Variants in SEZ6L observed in about 807,000 individuals in gnomAD.
SEZ6L encodes seizure 6-like protein.
In SEZ6L, 37 loss-of-function variants were observed where a neutral mutation model predicts 106.2. That is an observed-to-expected ratio of 0.35 (90% CI 0.27 to 0.46). SEZ6L has a LOEUF of 0.46. Ranked by LOEUF, SEZ6L falls within the 20% of genes least tolerant of loss-of-function variation. SEZ6L has a pLI of 1.00. For missense variants in SEZ6L, 1,172 were observed against 1,332.8 expected (o/e 0.88, Z 1.88); for synonymous variants, 541 against 570.4 (o/e 0.95, Z 0.73).
chr22:26,310,622 G>A (rs761918138), intron 6 of SEZ6L, 48 bp from the exon 7 acceptor site: 1 of 1,603,110 alleles, frequency 6.2e-7, no homozygotes, highest in Non-Finnish European at 8.5e-7. Flanking sequence ...CCATGTCAGT[G>A]ACCCAGGAAG....
intron 1 of SEZ6L, among the ~76,000 whole-genome samples, chr22:26,247,166 T>C (rs937906525): frequency 6.6e-6 from 1 of 152,216 alleles, no homozygotes; most frequent in Non-Finnish European, 1.5e-5. Context: ...AAGATTCAAG[T>C]AAACAAAGGG....
chr22:26,197,064 T>C (rs1036639749), intron 1 of SEZ6L, among the ~76,000 whole-genome samples: 1 of 152,240 alleles, frequency 6.6e-6, no homozygotes, highest in African/African-American at 2.4e-5. Flanking sequence ...GTTTTAGGTA[T>C]AGCTACACCC....
chr22:26,351,283 A>C, intron 12 of SEZ6L, 40 bp downstream of exon 12: 1 of 1,582,618 alleles, frequency 6.3e-7, no homozygotes, highest in African/African-American at 1.3e-5. Context: ...AGTAGGTAGA[A>C]GCAGATTCAC....
At chr22:26,324,910 C>T (rs1034878515) in intron 9 of SEZ6L, among the ~76,000 whole-genome samples, 5 of 152,176 alleles carry the variant, frequency 3.3e-5, no homozygotes, top group East Asian at 1.9e-4. Flanking sequence ...TTTCTGTTCA[C>T]GAGTCTAGAG....
Position 26,311,543 on chromosome 22 carries a change from A to T in SEZ6L, c.1682-225A>T, listed in dbSNP as rs545611331. On this transcript the variant is annotated intron_variant, in intron 7 of 16. Transcript: ENST00000248933. ...ACAACAACTCCACAGGGTGGAGAAGACAGAGATTCTTACTCCTATTTTAGA... is the reference window on the plus strand; with the variant it reads ...ACAACAACTCCACAGGGTGGAGAAGTCAGAGATTCTTACTCCTATTTTAGA... 1.5e-3 allele frequency among the ~76,000 whole-genome samples: 222 copies of T among 152,348 alleles called. 3 individuals carry two copies. Among genetic ancestry groups the T allele is most frequent in the African/African-American group, 5.0e-3 (206 of 41,576 alleles).
chr22:26,377,116 G>A (rs1040349494), intron 15 of SEZ6L, among the ~76,000 whole-genome samples: 5 of 151,480 alleles, frequency 3.3e-5, no homozygotes, highest in African/African-American at 7.3e-5. Context: ...GTGAGAGCTC[G>A]CCTCTTAAAA....
In SEZ6L at chr22:26,289,440, A is replaced by G. The variant is rs148665631; in HGVS notation, c.95-2966A>G. Among the ~76,000 whole-genome samples the G allele has an allele frequency of 5.6e-4, 86 of 152,358 alleles. No individual in the cohort carries two copies. The East Asian group carries it at 0.01, about 18-fold the overall frequency. ...CAAAAGAGGCTGCTGAACCTCAGCA[A>G]GGTTCAAGGACTTGCCCAGACTCAC... is the stretch of plus-strand genomic sequence containing the variant. On this transcript the variant is annotated intron_variant, in intron 1 of 16. Coordinates refer to ENST00000248933, the MANE Select transcript of SEZ6L (RefSeq NM_021115.5).
intron 9 of SEZ6L, 99 bp downstream of exon 9, chr22:26,314,001 C>T (rs547485479): frequency 1.1e-5 from 14 of 1,263,910 alleles, no homozygotes; most frequent in Middle Eastern, 1.9e-4. Flanking sequence ...ATTAACTAAG[C>T]ATCTACTATG....
chr22:26,203,889 G>A (rs937438675), intron 1 of SEZ6L, among the ~76,000 whole-genome samples: 9 of 152,194 alleles, frequency 5.9e-5, no homozygotes, highest in African/African-American at 2.2e-4. Flanking sequence ...AGCAGAGAGA[G>A]GGAGAGGGTA....
chr22:26,206,336 C>A (rs181709644), intron 1 of SEZ6L, among the ~76,000 whole-genome samples: 9 of 152,300 alleles, frequency 5.9e-5, no homozygotes, highest in Non-Finnish European at 1.2e-4. Context: ...CAGCACCTCA[C>A]CCCCTATGAT....
chr22:26,249,023 T>G (rs2079469876), intron 1 of SEZ6L, among the ~76,000 whole-genome samples: 2 of 152,330 alleles, frequency 1.3e-5, no homozygotes, highest in African/African-American at 4.8e-5. Flanking sequence ...CACTAAAACT[T>G]TCTCTTTTTT....
At chr22:26,216,910 A>G (rs774464303) in intron 1 of SEZ6L, among the ~76,000 whole-genome samples, 30 of 152,188 alleles carry the variant, frequency 2.0e-4, no homozygotes, top group Admixed American at 2.6e-4. Context: ...TTAAGGCCAT[A>G]TAACCAGGAG....
chr22:26,376,672 C>T (rs1479923703), intron 15 of SEZ6L, among the ~76,000 whole-genome samples: 2 of 152,118 alleles, frequency 1.3e-5, no homozygotes, highest in Non-Finnish European at 2.9e-5. Flanking sequence ...TCACTTGAAC[C>T]TGGGAGGAGG....
chr22:26,314,048 G>A (rs1201412206), intron 9 of SEZ6L, 146 bp downstream of exon 9: 2 of 693,602 alleles, frequency 2.9e-6, no homozygotes, highest in African/African-American at 3.6e-5. Context: ...TTCCCATAGT[G>A]AGACCAAGAA....
At chr22:26,290,455 C>G (rs1183726371) in intron 1 of SEZ6L, among the ~76,000 whole-genome samples, 3 of 152,194 alleles carry the variant, frequency 2.0e-5, no homozygotes, top group Non-Finnish European at 4.4e-5. Flanking sequence ...TGGCGTGAAC[C>G]CGGGAGGCGG....
chr22:26,272,887 G>C (rs1010368234), intron 1 of SEZ6L, among the ~76,000 whole-genome samples: 1 of 152,140 alleles, frequency 6.6e-6, no homozygotes, highest in Non-Finnish European at 1.5e-5. Context: ...GTGTGTTTGT[G>C]GGTATGTGTA....
intron 1 of SEZ6L, among the ~76,000 whole-genome samples, chr22:26,174,186 G>C (rs1938819035): frequency 6.6e-6 from 1 of 152,166 alleles, no homozygotes; most frequent in South Asian, 2.1e-4. Flanking sequence ...ACGTGGATGT[G>C]TTTAATTCTC....
At position 26,342,198 on chromosome 22, in the gene SEZ6L, A is replaced by G. The variant is rs569294142; in HGVS notation, c.2212+1566A>G. The stretch of plus-strand genomic sequence containing the variant: ...GAGTGGTTGCACCCCAAGAATTTCA[A>G]TGGGCAGGATTCGGCCAGTGATTAG... On this transcript the variant is annotated intron_variant, in intron 10 of 16. Coordinates refer to ENST00000248933, the MANE Select transcript of SEZ6L (RefSeq NM_021115.5). Among the ~76,000 whole-genome samples the G allele has an allele frequency of 2.0e-5, 3 of 152,278 alleles. No homozygotes were observed. In the South Asian group the frequency reaches 6.2e-4, roughly 32 times the overall value.
At chr22:26,327,068 G>A (rs1002957987) in intron 9 of SEZ6L, among the ~76,000 whole-genome samples, 24 of 152,120 alleles carry the variant, frequency 1.6e-4, no homozygotes, top group Non-Finnish European at 2.9e-4. Context: ...TGCACGATGC[G>A]GACGCAGAAT....
Sources: gnomAD v4.1 joint callset for allele counts (sites outside exome capture counted in the v4.1 genomes callset) on GRCh38, gnomAD v4.1.1 for gene constraint, MANE v1.5 for transcripts, NCBI Gene and HGNC (gene_info 2026-07-23, HGNC 2026-07-21) for gene names.